Variants in ABCA13 observed in about 807,000 individuals in gnomAD.
ABCA13 encodes ATP-binding cassette sub-family A member 13.
Under a neutral mutation model 478.7 loss-of-function variants are expected in ABCA13, and 476 were observed. The observed-to-expected ratio is 0.99, with a 90% CI of 0.92 to 1.07. The LOEUF is 1.07. ABCA13 is among the 50% of genes least tolerant of loss of function. The probability of loss-of-function intolerance (pLI) is 0.00; values close to 1 mark genes in which losing one functional copy is unlikely to be tolerated. For missense variants in ABCA13, 6,060 were observed against 5,910.6 expected (o/e 1.03, Z -0.83); for synonymous variants, 2,252 against 2,158.9 (o/e 1.04, Z -1.20).
At position 48,275,789 on chromosome 7, in the gene ABCA13, A is replaced by G. The variant is rs987657891; in HGVS notation, c.6123A>G (p.Ala2041=). The G allele has an allele frequency of 6.2e-7, 1 of 1,612,116 alleles. No homozygotes were observed. Among genetic ancestry groups the G allele is most frequent in the African/African-American group, 1.3e-5 (1 of 74,934 alleles). Residue 2041 remains alanine, a synonymous_variant, in exon 17 of 62, where the codon GCA becomes GCG. Transcript: ENST00000435803. Reference sequence around the variant, plus strand: ...ATGTCACAGGTAGCAGTTTAGAAGCATTATCAAGTTTTATTGAAAAAAGTG... The same window carrying G: ...ATGTCACAGGTAGCAGTTTAGAAGCGTTATCAAGTTTTATTGAAAAAAGTG... ...NANVTGSSLE[A]LSSFIEKSET... is the part of the protein sequence containing the mutation.
rs1006578715 is a variant in ABCA13, at chr7:48,392,084, G to T, written c.11818G>T (p.Ala3940Ser). 6.2e-7 allele frequency: 1 copy of T among 1,613,952 alleles called. No homozygotes were observed. Among genetic ancestry groups the T allele is most frequent in the Admixed American group, 1.7e-5 (1 of 60,024 alleles). ...LTVREHLLLF[A>S]SIKAPQWTKK... ...CGTCCGGGAACATTTGCTGCTCTTT[G>T]CTTCCATAAAGGCGCCTCAGTGGAC... The change falls in exon 38 of 62, where the codon GCT becomes TCT. Residue 3940 changes from alanine (A) to serine (S), a missense_variant. By Grantham distance (99) the Ala-to-Ser change is moderately conservative (BLOSUM62 1). This residue lies in a region of ABCA13 where 1,627 missense variants were observed against 1,571.0 expected (regional missense o/e 1.04). Coordinates refer to ENST00000435803, the MANE Select transcript of ABCA13 (RefSeq NM_152701.5).
At chr7:48,621,101 G>C (rs193162311) in intron 59 of ABCA13, among the ~76,000 whole-genome samples, 1 of 152,156 alleles carries the variant, frequency 6.6e-6, no homozygotes, top group African/African-American at 2.4e-5. Flanking sequence ...ACCTTGCTTG[G>C]ACCACTCCCC....
chr7:48,645,588 C>A lies in ABCA13; in HGVS notation c.*76C>A. Reference sequence around the variant, plus strand: ...AACAGTCAAGGATAAAACAAGCACGCGCACAATCAAGGAGCTGGAACACAC... The same window carrying A: ...AACAGTCAAGGATAAAACAAGCACGAGCACAATCAAGGAGCTGGAACACAC... On this transcript the variant is annotated 3_prime_UTR_variant, in exon 62 of 62. Transcript: ENST00000435803. The A allele has an allele frequency of 8.2e-7, 1 of 1,226,304 alleles. No individual in the cohort carries two copies. The highest frequency in any genetic ancestry group is 1.2e-6 in the Non-Finnish European group (1 of 862,914). 76.0% of individuals were successfully genotyped at this position (1,226,304 alleles called of 1,614,324 possible).
At chr7:48,423,536 G>A (rs1273641487) in intron 41 of ABCA13, among the ~76,000 whole-genome samples, 1 of 152,020 alleles carries the variant, frequency 6.6e-6, no homozygotes, top group Non-Finnish European at 1.5e-5. Context: ...CAAAAGGATG[G>A]GGCATAGGAC....
chr7:48,289,376 T>G (rs1269360430), intron 20 of ABCA13, among the ~76,000 whole-genome samples: 14 of 149,460 alleles, frequency 9.4e-5, no homozygotes, highest in Non-Finnish European at 1.5e-4. Flanking sequence ...TTTTTTTTTT[T>G]GAAACGGAGT....
chr7:48,458,085 T>C (rs1405421437), intron 43 of ABCA13, among the ~76,000 whole-genome samples: 1 of 152,184 alleles, frequency 6.6e-6, no homozygotes, highest in Non-Finnish European at 1.5e-5. Context: ...TCTCTGAGTG[T>C]GTACCTTGAT....
chr7:48,461,239 A>G lies in ABCA13; in HGVS notation c.12816-5717A>G, dbSNP rs113403982. Among the ~76,000 whole-genome samples the G allele has an allele frequency of 7.2e-5, 11 of 152,284 alleles. 1 individual carries two copies. Among genetic ancestry groups the G allele is most frequent in the African/African-American group, 2.4e-4 (10 of 41,560 alleles). ...TGGAAGCCTTTTTTCTGGCAGAATA[A>G]CATACAAAGTGCTGGCTGCCCCTCT... On this transcript the variant is annotated intron_variant, in intron 43 of 61. Coordinates refer to ENST00000435803, the MANE Select transcript of ABCA13 (RefSeq NM_152701.5).
chr7:48,480,696 T>G (rs1351504778), intron 45 of ABCA13, among the ~76,000 whole-genome samples: 1 of 152,236 alleles, frequency 6.6e-6, no homozygotes, highest in African/African-American at 2.4e-5. Flanking sequence ...CTCCCACTAG[T>G]TGTTTCTGAC....
chr7:48,291,155 A>G (rs145470418), intron 20 of ABCA13, among the ~76,000 whole-genome samples: 1 of 152,218 alleles, frequency 6.6e-6, no homozygotes, highest in Non-Finnish European at 1.5e-5. Context: ...ACATCAGACA[A>G]TAAATGGGGT....
intron 17 of ABCA13, among the ~76,000 whole-genome samples, chr7:48,277,771 A>T (rs1796490023): frequency 6.6e-6 from 1 of 152,218 alleles, no homozygotes; most frequent in Admixed American, 6.5e-5. Flanking sequence ...CAAGAATCAC[A>T]TTGTAGTCAT....
At chr7:48,211,890 CT>C (rs1278233919) in intron 3 of ABCA13, among the ~76,000 whole-genome samples, 1 of 151,668 alleles carries the variant, frequency 6.6e-6, no homozygotes, top group Admixed American at 6.6e-5. Flanking sequence ...AAGCAGAAGT[CT>C]TTCCCCAAGC....
In ABCA13 at chr7:48,227,296, AACTGG is replaced by A. The variant is rs1788359364; in HGVS notation, c.505_509del (p.Leu169LysfsTer23). 6.2e-7 allele frequency: 1 copy of A among 1,613,738 alleles called. No individual in the cohort carries two copies. ...AATAAGACCGAGGAGGTAATATTGA[AACTGG>A]AAAGCCTCCATCAGCAGCCTCATAT... On this transcript the variant is annotated frameshift_variant, in exon 6 of 62. Coordinates refer to ENST00000435803, the MANE Select transcript of ABCA13 (RefSeq NM_152701.5). LOFTEE classifies it high-confidence loss of function.
Position 48,338,072 on chromosome 7 carries a change from C to T in ABCA13, c.10114-293C>T, listed in dbSNP as rs1291240078. Among the ~76,000 whole-genome samples the T allele has an allele frequency of 2.6e-5, 4 of 152,132 alleles. No homozygotes were observed. The East Asian group carries it at 7.7e-4, about 29-fold the overall frequency. ...TATAGAAAGGTTCATTATATAGGTT[C>T]GTTTGAAAATTTTGCCAAAAACAAA... On this transcript the variant is annotated intron_variant, in intron 28 of 61. Coordinates refer to ENST00000435803, the MANE Select transcript of ABCA13 (RefSeq NM_152701.5).
intron 42 of ABCA13, among the ~76,000 whole-genome samples, chr7:48,433,480 T>C (rs1822421569): frequency 6.7e-6 from 1 of 149,178 alleles, no homozygotes; most frequent in African/African-American, 2.4e-5. Context: ...TATACATATA[T>C]ATTTATGTAT....
At chr7:48,293,203 G>C (rs63333961) in intron 20 of ABCA13, among the ~76,000 whole-genome samples, 48,530 of 108,602 alleles carry the variant, frequency 0.45, 11,034 homozygotes, top group East Asian at 0.79. Flanking sequence ...CCCCCCCCCC[G>C]CCACACACAC....
At chr7:48,558,673 G>C (rs902455908) in intron 55 of ABCA13, among the ~76,000 whole-genome samples, 4 of 152,180 alleles carry the variant, frequency 2.6e-5, no homozygotes, top group Admixed American at 6.5e-5. Flanking sequence ...AAATTTATCT[G>C]ATAGAATTCT....
chr7:48,286,980 A>G (rs964336286), intron 19 of ABCA13, among the ~76,000 whole-genome samples: 9 of 152,238 alleles, frequency 5.9e-5, no homozygotes, highest in African/African-American at 1.9e-4. Context: ...CCACAATGAC[A>G]GGAAGGCAGT....
At position 48,520,299 on chromosome 7, in the gene ABCA13, G is replaced by A. The variant is rs2130974347; in HGVS notation, c.14051+5G>A. The stretch of plus-strand genomic sequence containing the variant: ...GGACCTTCTGCGATGGCCAAGGTGG[G>A]TTCTGAAGGACTCATCCTCGAGCTG... On this transcript the variant is annotated splice_donor_5th_base_variant and intron_variant, in intron 53 of 61. Coordinates refer to ENST00000435803, the MANE Select transcript of ABCA13 (RefSeq NM_152701.5). 1 of 1,603,532 alleles carries A rather than the reference G, an allele frequency of 6.2e-7. No individual in the cohort carries two copies.
chr7:48,349,186 T>G (rs529868935), intron 29 of ABCA13, among the ~76,000 whole-genome samples: 1 of 152,372 alleles, frequency 6.6e-6, no homozygotes, highest in South Asian at 2.1e-4. Flanking sequence ...TGTAGATATT[T>G]AGCAAAAGCT....
Sources: gnomAD v4.1 joint callset for allele counts (sites outside exome capture counted in the v4.1 genomes callset) on GRCh38, gnomAD v4.1.1 for gene constraint, gnomAD v4.1.1 regional missense constraint, MANE v1.5 for transcripts, NCBI Gene and HGNC (gene_info 2026-07-23, HGNC 2026-07-21) for gene names.